The following PEAK1 variants were observed in gnomAD, a reference collection of about 807,000 sequenced individuals.
PEAK1 encodes inactive tyrosine-protein kinase PEAK1.
Under a neutral mutation model 124.7 loss-of-function variants are expected in PEAK1, and 54 were observed. The observed-to-expected ratio is 0.43, with a 90% CI of 0.35 to 0.54. The LOEUF is 0.54. Among genes scored for constraint, PEAK1 ranks in the 20% least tolerant of loss-of-function variants. PEAK1 has a pLI of 0.01. For synonymous variants in PEAK1, 719 were observed against 760.0 expected (o/e 0.95, Z 0.89); for missense variants, 2,046 against 2,134.5 (o/e 0.96, Z 0.82).
chr15:77,346,664 T>G, intron 2 of PEAK1: 4 of 984,378 alleles, frequency 4.1e-6, no homozygotes, highest in Non-Finnish European at 4.8e-6. Flanking sequence ...ACAAAAATAT[T>G]AATTGCAAAA....
At chr15:77,367,465 A>G (rs549043768) in intron 1 of PEAK1, among the ~76,000 whole-genome samples, 1 of 152,354 alleles carries the variant, frequency 6.6e-6, no homozygotes, top group East Asian at 1.9e-4. Flanking sequence ...GGTTGTCAAC[A>G]GGATATACAC....
chr15:77,347,980 C>T (rs1272221444), intron 2 of PEAK1: 1 of 984,940 alleles, frequency 1.0e-6, no homozygotes, highest in South Asian at 4.7e-5. Flanking sequence ...TTGCATAATG[C>T]TAACAAGACA....
At chr15:77,275,203 T>C (rs771452226) in intron 5 of PEAK1, among the ~76,000 whole-genome samples, 3 of 152,174 alleles carry the variant, frequency 2.0e-5, no homozygotes, top group Non-Finnish European at 4.4e-5. Context: ...AGACTACACA[T>C]TGGGTACAGC....
intron 5 of PEAK1, among the ~76,000 whole-genome samples, chr15:77,258,561 T>A (rs1267280822): frequency 6.6e-6 from 1 of 152,198 alleles, no homozygotes; most frequent in Non-Finnish European, 1.5e-5. Flanking sequence ...TGCTTGTGAT[T>A]TTGTACATTG....
chr15:77,408,496 T>C (rs1428444825), intron 1 of PEAK1, among the ~76,000 whole-genome samples: 2 of 151,532 alleles, frequency 1.3e-5, no homozygotes, highest in Non-Finnish European at 2.9e-5. Context: ...CTTATCTGTG[T>C]AACCAACCAC....
chr15:77,134,622 C>A (rs952243961), intron 8 of PEAK1, among the ~76,000 whole-genome samples: 1 of 152,124 alleles, frequency 6.6e-6, no homozygotes, highest in Admixed American at 6.5e-5. Context: ...TTGAATATAC[C>A]TTCAGGGCTT....
At chr15:77,249,130 C>T (rs1201608860) in intron 6 of PEAK1, among the ~76,000 whole-genome samples, 8 of 151,836 alleles carry the variant, frequency 5.3e-5, no homozygotes, top group African/African-American at 1.9e-4. Flanking sequence ...CCTATTACTA[C>T]TATTGAAATT....
At chr15:77,338,081 T>C (rs2066308509) in intron 2 of PEAK1, 14 of 983,514 alleles carry the variant, frequency 1.4e-5, no homozygotes, top group Non-Finnish European at 1.7e-5. Context: ...GGACTCAAAC[T>C]GTATACCAAT....
chr15:77,148,443 T>TG (rs2054329632), intron 8 of PEAK1, among the ~76,000 whole-genome samples: 1 of 152,240 alleles, frequency 6.6e-6, no homozygotes, highest in Non-Finnish European at 1.5e-5. Context: ...CTCTGTTCCC[T>TG]GTTAGCTACC....
At chr15:77,363,320 C>T (rs978624988) in intron 2 of PEAK1, among the ~76,000 whole-genome samples, 3 of 152,142 alleles carry the variant, frequency 2.0e-5, no homozygotes, top group South Asian at 2.1e-4. Context: ...TGCTCTTTAC[C>T]GTATCTACAT....
chr15:77,232,314 AACACAC>A (rs3071161), intron 6 of PEAK1, among the ~76,000 whole-genome samples: 27 of 150,114 alleles, frequency 1.8e-4, no homozygotes, highest in Non-Finnish European at 1.6e-4. Flanking sequence ...AGTGTCAGGA[AACACAC>A]ACACACACAC....
Position 77,180,790 on chromosome 15 carries a change from G to A in PEAK1, c.1137C>T (p.Asp379=), listed in dbSNP as rs2057214036. Reference sequence around the variant, plus strand: ...CATAATTGGGCTCAATTTCCTTCATGTCCTTAGAATCTCCTGGGTTACCAG... The same window carrying A: ...CATAATTGGGCTCAATTTCCTTCATATCCTTAGAATCTCCTGGGTTACCAG... ...LSPGNPGDSK[D]MKEIEPNYES... The change falls in exon 7 of 10, where the codon GAC becomes GAT. Residue 379 remains aspartate, a synonymous_variant. Coordinates refer to ENST00000682557, the MANE Select transcript of PEAK1 (RefSeq NM_001385026.1). 6.2e-7 allele frequency: 1 copy of A among 1,613,942 alleles called. No individual in the cohort carries two copies. The highest frequency in any genetic ancestry group is 8.5e-7 in the Non-Finnish European group (1 of 1,179,954).
rs113932261 is a variant in PEAK1, at chr15:77,163,876, G to A, written c.3138-5180C>T. On this transcript the variant is annotated intron_variant, in intron 7 of 9. Transcript: ENST00000682557. ...GACTTTTAAAACCTCCTTTTACCCC[G>A]AAAAATCAGACTAAAGCACATTAGA... Among the ~76,000 whole-genome samples the A allele has an allele frequency of 3.6e-3, 544 of 152,180 alleles. 5 individuals are homozygous for A. Among genetic ancestry groups the A allele is most frequent in the African/African-American group, 0.013 (524 of 41,508 alleles).
At chr15:77,276,386 G>A (rs573237566) in intron 5 of PEAK1, among the ~76,000 whole-genome samples, 24 of 152,268 alleles carry the variant, frequency 1.6e-4, no homozygotes, top group Non-Finnish European at 1.5e-5. Context: ...ACAGTTTAAT[G>A]ACAGTAAATT....
At position 77,112,660 on chromosome 15, in the gene PEAK1, T is replaced by TACACACAC. The variant is rs10539940; in HGVS notation, c.*1488_*1495dup. 4.0e-4 allele frequency: 58 copies of TACACACAC among 145,374 alleles called. No homozygotes were observed. Among genetic ancestry groups the TACACACAC allele is most frequent in the East Asian group, 2.1e-4 (1 of 4,854 alleles). 9.0% of individuals were successfully genotyped at this position (145,374 alleles called of 1,614,324 possible). A position where few individuals can be genotyped will look rare whatever the true frequency, so the allele number is the denominator to read the frequency against. On this transcript the variant is annotated 3_prime_UTR_variant, in exon 10 of 10. Transcript: ENST00000682557. ...AAGCACAGGTGAACATGTGTATACA[T>TACACACAC]ACACACACACACACACACACACACA...
chr15:77,215,443 T>C (rs2059106388), intron 6 of PEAK1, among the ~76,000 whole-genome samples: 1 of 152,200 alleles, frequency 6.6e-6, no homozygotes, highest in African/African-American at 2.4e-5. Context: ...GCTCAAGTCC[T>C]TTATATGAAA....
At chr15:77,211,664 G>A (rs2058911747) in intron 6 of PEAK1, among the ~76,000 whole-genome samples, 3 of 151,840 alleles carry the variant, frequency 2.0e-5, no homozygotes, top group African/African-American at 7.3e-5. Context: ...GCTGGCCAAT[G>A]TGGTGAAACC....
chr15:77,368,213 C>G (rs2068387879), intron 1 of PEAK1, among the ~76,000 whole-genome samples: 1 of 151,968 alleles, frequency 6.6e-6, no homozygotes, highest in Admixed American at 6.6e-5. Flanking sequence ...CATTTATTTA[C>G]TTAAAAAATT....
At chr15:77,122,376 T>C (rs1433922452) in intron 9 of PEAK1, among the ~76,000 whole-genome samples, 2 of 152,188 alleles carry the variant, frequency 1.3e-5, no homozygotes, top group Non-Finnish European at 2.9e-5. Context: ...ACTCAGCATG[T>C]GTATCCAATG....
Sources: gnomAD v4.1 joint callset for allele counts (sites outside exome capture counted in the v4.1 genomes callset) on GRCh38, gnomAD v4.1.1 for gene constraint, MANE v1.5 for transcripts, NCBI Gene and HGNC (gene_info 2026-07-23, HGNC 2026-07-21) for gene names.